COL27A1: variants seen among roughly 807,000 people sequenced by gnomAD.
COL27A1 encodes the protein collagen type XXVII alpha 1 chain.
A neutral mutation model predicts 251.3 loss-of-function variants in COL27A1; 106 were observed. That is an observed-to-expected ratio of 0.42 (90% confidence interval 0.36 to 0.50). The LOEUF (loss-of-function observed/expected upper bound fraction) is 0.50. COL27A1 is among the 20% of genes least tolerant of loss of function. The probability of loss-of-function intolerance (pLI) is 0.00; values close to 1 mark genes in which losing one functional copy is unlikely to be tolerated. For synonymous variants in COL27A1, 1,000 were observed against 986.3 expected, an observed-to-expected ratio of 1.01 and a Z score of -0.26; for missense variants, 2,325 against 2,522.8, an observed-to-expected ratio of 0.92 and a Z score of 1.68.
intron 8 of COL27A1, 32 bp downstream of exon 8, chr9:114,205,178 C>A: frequency 1.2e-6 from 2 of 1,603,030 alleles, no homozygotes; most frequent in Non-Finnish European, 1.7e-6. Flanking sequence ...CTGCCCTGGT[C>A]GCTCTCCCTC....
In COL27A1 at chr9:114,252,623, G is replaced by A. The variant is rs141446597; in HGVS notation, c.3064G>A (p.Val1022Met). 174 of 1,613,866 alleles carry A rather than the reference G, an allele frequency of 1.1e-4. 1 individual carries two copies. Among genetic ancestry groups the A allele is most frequent in the Middle Eastern group, 8.2e-4 (5 of 6,062 alleles). ...TCGTGGCATGATGGGACCCCCAGGC[G>A]TGCCTGGACCCAAGGGGTCGATGGT... Reference protein sequence around the residue: ...GDRGMMGPPGVPGPKGSMGHP... With the variant: ...GDRGMMGPPGMPGPKGSMGHP... Residue 1022 changes from valine to methionine, a missense_variant, in exon 26 of 61, where the codon GTG becomes ATG. By Grantham distance (21) the Val-to-Met change is conservative (BLOSUM62 1). Around this residue, in one of 4 missense-constraint regions of COL27A1, gnomAD observed 662 missense variants for 795.3 expected, o/e 0.83. Transcript: ENST00000356083.
chr9:114,181,595 C>T (rs1469437745), intron 4 of COL27A1, among the ~76,000 whole-genome samples: 3 of 152,162 alleles, frequency 2.0e-5, no homozygotes, highest in Non-Finnish European at 2.9e-5. Flanking sequence ...CCTCTCCTCA[C>T]CTCCTATGCC....
chr9:114,216,302 G>A (rs1238158497), intron 12 of COL27A1, among the ~76,000 whole-genome samples: 1 of 152,266 alleles, frequency 6.6e-6, no homozygotes, highest in Non-Finnish European at 1.5e-5. Flanking sequence ...CCTGGGGCCA[G>A]CCTGCTGCAG....
chr9:114,267,763 C>T lies in COL27A1; in HGVS notation c.3501+206C>T, dbSNP rs544241432. Among the ~76,000 whole-genome samples, 5 of 152,200 alleles carry T rather than the reference C, an allele frequency of 3.3e-5. No homozygotes were observed. The East Asian group carries it at 5.8e-4, about 18-fold the overall frequency. ...TGCCCTCTGCGAGGTAATGTTTTTT[C>T]GGGCACCTGCCCCTGCCTCTATGCT... On this transcript the variant is annotated intron_variant, in intron 34 of 60. Coordinates refer to ENST00000356083, the MANE Select transcript of COL27A1 (RefSeq NM_032888.4).
chr9:114,286,201 G>C (rs1564571154), intron 41 of COL27A1, among the ~76,000 whole-genome samples: 1 of 146,786 alleles, frequency 6.8e-6, no homozygotes, highest in South Asian at 2.1e-4. Flanking sequence ...CCGCAAGCTG[G>C]ACGGTGCTAG....
intron 35 of COL27A1, among the ~76,000 whole-genome samples, chr9:114,269,633 A>AG (rs1834991323): frequency 2.0e-5 from 3 of 149,610 alleles, no homozygotes; most frequent in Non-Finnish European, 3.0e-5. Flanking sequence ...AAAAAAAAAA[A>AG]AAAGAAGAAG....
At chr9:114,208,775 T>TG (rs1454446559) in intron 10 of COL27A1, among the ~76,000 whole-genome samples, 1 of 151,412 alleles carries the variant, frequency 6.6e-6, no homozygotes, top group South Asian at 2.1e-4. Context: ...GCACTGGGGA[T>TG]GGGGGGGAGA....
chr9:114,239,285 G>A (rs1277828038), intron 19 of COL27A1, among the ~76,000 whole-genome samples: 1 of 152,234 alleles, frequency 6.6e-6, no homozygotes, highest in Non-Finnish European at 1.5e-5. Flanking sequence ...GCCCACCCCA[G>A]GCAGACTTCT....
chr9:114,159,420 T>C (rs2567725), intron 1 of COL27A1, among the ~76,000 whole-genome samples: 75,127 of 151,740 alleles, frequency 0.5, 19,085 homozygotes, highest in South Asian at 0.61. Context: ...GTTTGGTATG[T>C]GACATAATCC....
In COL27A1 at chr9:114,178,295, C is replaced by A. The variant is rs569678751; in HGVS notation, c.1913C>A (p.Pro638His). The A allele has an allele frequency of 8.7e-6, 14 of 1,613,956 alleles. No homozygotes were observed. In the Admixed American group the frequency reaches 2.3e-4, roughly 27 times the overall value. ...GTCTTCTTGTTTTCTCCTCAGGGTC[C>A]CCCTGGGCTACCTGGGCTACCTGGA... ...GPKGDCGLPG[P>H]PGLPGLPGIP... Residue 638 changes from proline (P) to histidine (H), a missense_variant, in exon 4 of 61, where the codon CCC becomes CAC. By Grantham distance (77) the Pro-to-His change is moderately conservative. Transcript: ENST00000356083.
At chr9:114,251,059 G>A (rs1026717732) in intron 25 of COL27A1, among the ~76,000 whole-genome samples, 24 of 152,126 alleles carry the variant, frequency 1.6e-4, no homozygotes, top group African/African-American at 5.6e-4. Context: ...GCTCAAATAG[G>A]GGAGGTGACT....
chr9:114,191,617 T>C (rs1241657169), intron 5 of COL27A1, among the ~76,000 whole-genome samples: 2 of 152,238 alleles, frequency 1.3e-5, no homozygotes, highest in African/African-American at 4.8e-5. Context: ...TATGGCTGCA[T>C]AGTATTCCGT....
chr9:114,235,849 A>G (rs1832357810), intron 17 of COL27A1, among the ~76,000 whole-genome samples, 197 bp downstream of exon 17: 1 of 151,700 alleles, frequency 6.6e-6, no homozygotes, highest in African/African-American at 2.4e-5. Context: ...CTTTTAACTT[A>G]TTTCTGGGCC....
chr9:114,302,781 C>T (rs1828750731), intron 56 of COL27A1, among the ~76,000 whole-genome samples: 1 of 151,096 alleles, frequency 6.6e-6, no homozygotes, highest in African/African-American at 2.4e-5. Context: ...GGGGCCCCTG[C>T]ATTCTTCCCT....
chr9:114,269,700 C>A (rs1468215645), intron 35 of COL27A1, among the ~76,000 whole-genome samples: 1 of 151,496 alleles, frequency 6.6e-6, no homozygotes, highest in Admixed American at 6.6e-5. Context: ...AGCACGCATC[C>A]TATGCCCACT....
intron 49 of COL27A1, among the ~76,000 whole-genome samples, chr9:114,299,761 C>A (rs1474950954): frequency 6.6e-6 from 1 of 152,208 alleles, no homozygotes; most frequent in African/African-American, 2.4e-5. Context: ...GAGGAGGCTG[C>A]AGGCCCTTTT....
At chr9:114,209,498 G>A (rs569238209) in intron 10 of COL27A1, 177 bp from the exon 11 acceptor site, 2 of 780,422 alleles carry the variant, frequency 2.6e-6, no homozygotes, top group Admixed American at 1.7e-5. Context: ...CAGTCCATGG[G>A]CATATACACT....
chr9:114,300,605 C>A lies in COL27A1; in HGVS notation c.4639-20C>A, dbSNP rs754309718. On this transcript the variant is annotated intron_variant, in intron 50 of 60. Transcript: ENST00000356083. ...CCAGTGGCTGCCAAGTACAGACAGC[C>A]CTTTCTCTGCCTCCCACAGGGCCCG... 5.2e-6 allele frequency: 8 copies of A among 1,535,388 alleles called. No homozygotes were observed. Among genetic ancestry groups the A allele is most frequent in the Non-Finnish European group, 4.4e-6 (5 of 1,142,844 alleles).
intron 13 of COL27A1, 139 bp from the exon 14 acceptor site, chr9:114,222,084 C>T (rs1042335360): frequency 2.2e-5 from 15 of 670,974 alleles, no homozygotes; most frequent in African/African-American, 8.8e-5. Context: ...TCAGGAAAGT[C>T]GCTGGAGCCT....
Sources: allele counts gnomAD v4.1 joint callset (sites outside exome capture counted in the v4.1 genomes callset), GRCh38; gene constraint gnomAD v4.1.1; regional missense constraint gnomAD v4.1.1; transcripts MANE v1.5; gene names NCBI Gene and HGNC (gene_info 2026-07-23, HGNC 2026-07-21).